The following ESRRB variants were observed in gnomAD, a reference collection of about 807,000 sequenced individuals.
The protein encoded by ESRRB is estrogen related receptor beta, also known as steroid hormone receptor ERR2.
Under a neutral mutation model 46.0 loss-of-function variants are expected in ESRRB, and 16 were observed. The observed-to-expected ratio is 0.35, with a 90% CI of 0.24 to 0.53. ESRRB has a LOEUF of 0.53. Ranked by LOEUF, ESRRB falls within the 20% of genes least tolerant of loss-of-function variation. The pLI is 0.93. For missense variants in ESRRB, 488 were observed against 607.4 expected (o/e 0.80, Z 2.07); for synonymous variants, 246 against 259.6 (o/e 0.95, Z 0.50).
chr14:76,310,896 C>T (rs1883721497), exon 1 of ESRRB: 2 of 454,890 alleles, frequency 4.4e-6, no homozygotes, highest in East Asian at 7.0e-5. Flanking sequence ...AGTCCTCGTC[C>T]TCCACGCCAG....
Position 76,416,659 on chromosome 14 carries a change from G to T in ESRRB, c.51-22682G>T, listed in dbSNP as rs201265981. 2.6e-5 allele frequency among the ~76,000 whole-genome samples: 4 copies of T among 151,736 alleles called. No individual in the cohort carries two copies. In the East Asian group the frequency reaches 5.9e-4, roughly 22 times the overall value. On this transcript the variant is annotated intron_variant, in intron 1 of 6. Coordinates refer to ENST00000644823, the MANE Select transcript of ESRRB (RefSeq NM_001379180.1). The stretch of plus-strand genomic sequence containing the variant: ...TAATTTTGTATTTTTAGTAGAGATG[G>T]TGTTTCACCATGTTGGCCAGGCTGG...
chr14:76,437,824 A>C (rs757599383), intron 1 of ESRRB, among the ~76,000 whole-genome samples: 1 of 152,064 alleles, frequency 6.6e-6, no homozygotes, highest in Non-Finnish European at 1.5e-5. Context: ...CTCTCCCTTC[A>C]TCCTGGGAGC....
intron 1 of ESRRB, among the ~76,000 whole-genome samples, chr14:76,381,875 C>A (rs1885027292): frequency 6.6e-6 from 1 of 152,132 alleles, no homozygotes; most frequent in African/African-American, 2.4e-5. Flanking sequence ...CAAAAGGACA[C>A]AAAAACACCA....
intron 1 of ESRRB, among the ~76,000 whole-genome samples, chr14:76,437,680 C>T (rs1274189286): frequency 6.6e-6 from 1 of 152,170 alleles, no homozygotes; most frequent in Non-Finnish European, 1.5e-5. Context: ...GACAGATCAA[C>T]ACCACCCAGG....
At chr14:76,475,776 T>C (rs1320496233) in intron 3 of ESRRB, among the ~76,000 whole-genome samples, 2 of 152,264 alleles carry the variant, frequency 1.3e-5, no homozygotes, top group East Asian at 3.8e-4. Context: ...GGTAATTCTG[T>C]CTAGCTTTTT....
At chr14:76,375,910 G>T (rs961312453), upstream of ESRRB, among the ~76,000 whole-genome samples, 19 of 99,452 alleles carry the variant, frequency 1.9e-4, no homozygotes, top group Admixed American at 3.1e-4. Flanking sequence ...CCCTTTAACT[G>T]CGAGAAGGCA....
chr14:76,478,273 T>A (rs1020457239), intron 3 of ESRRB, among the ~76,000 whole-genome samples: 1 of 152,140 alleles, frequency 6.6e-6, no homozygotes, highest in Non-Finnish European at 1.5e-5. Flanking sequence ...CAGCCTGGCA[T>A]GGGGATGAGG....
At chr14:76,351,986 T>TAAAAAAAAAAAAAAAAAAAA (rs201356393) in intron 1 of ESRRB, among the ~76,000 whole-genome samples, 3 of 91,774 alleles carry the variant, frequency 3.3e-5, no homozygotes, top group African/African-American at 4.8e-5. Context: ...CCCAGTCTCT[T>TAAAAAAAAAAAAAAAAAAAA]AAAAAAAAAA....
intron 1 of ESRRB, among the ~76,000 whole-genome samples, chr14:76,341,895 C>T (rs1236446015): frequency 6.6e-6 from 1 of 152,232 alleles, no homozygotes; most frequent in East Asian, 1.9e-4. Flanking sequence ...CTTCTCCAGG[C>T]TGGCAGCGTA....
intron 1 of ESRRB, among the ~76,000 whole-genome samples, chr14:76,337,154 C>T (rs553037614): frequency 6.6e-6 from 1 of 152,220 alleles, no homozygotes; most frequent in African/African-American, 2.4e-5. Flanking sequence ...GAAGGAGATG[C>T]AGAGAGAGTG....
chr14:76,321,038 G>A (rs1883860617), intron 1 of ESRRB, among the ~76,000 whole-genome samples: 1 of 151,970 alleles, frequency 6.6e-6, no homozygotes, highest in Non-Finnish European at 1.5e-5. Context: ...TCCTTATAAA[G>A]ATTTTTTCTT....
intron 1 of ESRRB, among the ~76,000 whole-genome samples, chr14:76,333,937 T>C (rs1884095078): frequency 6.6e-6 from 1 of 152,042 alleles, no homozygotes; most frequent in Non-Finnish European, 1.5e-5. Flanking sequence ...GCTAGCTGTG[T>C]GACCTCAGAT....
upstream of ESRRB, among the ~76,000 whole-genome samples, chr14:76,372,520 C>G (rs1254331703): frequency 6.6e-6 from 1 of 152,032 alleles, no homozygotes; most frequent in Non-Finnish European, 1.5e-5. Context: ...AGCTCAAACT[C>G]AGGGAGGGAG....
At chr14:76,329,604 ATCACCGAGGTGCCCATGTAGCGCGGGC>A (rs1490152290) in intron 1 of ESRRB, among the ~76,000 whole-genome samples, 1 of 152,136 alleles carries the variant, frequency 6.6e-6, no homozygotes, top group Non-Finnish European at 1.5e-5. Flanking sequence ...GCTGTATTAA[ATCACCGAGGTGCCCATGTAGCGCGGGC>A]TCTCTTTTCT....
chr14:76,310,990 C>CTT (rs1883725351), intron 1 of ESRRB: 2 of 330,448 alleles, frequency 6.1e-6, no homozygotes, highest in Admixed American at 5.9e-5. Flanking sequence ...CTCTCTCTCT[C>CTT]TCTCTCTCTC....
chr14:76,501,047 A>G lies in ESRRB; in HGVS notation c.*2589A>G. The G allele has an allele frequency of 2.3e-6, 1 of 434,142 alleles. No individual in the cohort carries two copies. Among genetic ancestry groups the G allele is most frequent in the Non-Finnish European group, 4.2e-6 (1 of 236,728 alleles). 26.9% of individuals were successfully genotyped at this position (434,142 alleles called of 1,614,324 possible). A position where few individuals can be genotyped will look rare whatever the true frequency, so the allele number is the denominator to read the frequency against. On this transcript the variant is annotated 3_prime_UTR_variant, in exon 7 of 7. Coordinates refer to ENST00000644823, the MANE Select transcript of ESRRB (RefSeq NM_001379180.1). ...GGACCCTCTCCGGGGAAGGGAGAGG[A>G]CTGACTTAGTGGAAGGTGGTGAAGT... is the stretch of plus-strand genomic sequence containing the variant.
chr14:76,376,278 C>A lies in ESRRB; in HGVS notation c.-124C>A. 1 of 697,678 alleles carries A rather than the reference C, an allele frequency of 1.4e-6. No homozygotes were observed. Among genetic ancestry groups the A allele is most frequent in the Non-Finnish European group, 2.0e-6 (1 of 500,256 alleles). The allele number at this position is 697,678 out of a possible 1,614,324, so 43.2% of individuals were successfully genotyped here. On this transcript the variant is annotated 5_prime_UTR_variant, in exon 1 of 7. Coordinates refer to ENST00000644823, the MANE Select transcript of ESRRB (RefSeq NM_001379180.1). This position sits in a 1 kb window ranked among gnomAD's most constrained non-coding sequence, Gnocchi z 4.1. Reference sequence around the variant, plus strand: ...CCCCCGCCGCGGCCGCCTCCTCCCACTCTGCGTTCTCGCGCTCACTGTGCC... The same window carrying A: ...CCCCCGCCGCGGCCGCCTCCTCCCAATCTGCGTTCTCGCGCTCACTGTGCC...
intron 6 of ESRRB, among the ~76,000 whole-genome samples, chr14:76,497,392 C>A (rs1595177303): frequency 6.6e-6 from 1 of 152,292 alleles, no homozygotes; most frequent in African/African-American, 2.4e-5. Flanking sequence ...CTCACCACCA[C>A]CCTGTGAGTC....
chr14:76,433,415 CCA>C (rs1217461320), intron 1 of ESRRB, among the ~76,000 whole-genome samples: 1 of 152,120 alleles, frequency 6.6e-6, no homozygotes, highest in African/African-American at 2.4e-5. Context: ...TTGCTCAGGG[CCA>C]ACTGGGAGGT....
Sources: allele counts gnomAD v4.1 joint callset (sites outside exome capture counted in the v4.1 genomes callset), GRCh38; gene constraint gnomAD v4.1.1; non-coding constraint Gnocchi (gnomAD v3.1); transcripts MANE v1.5; gene names NCBI Gene and HGNC (gene_info 2026-07-23, HGNC 2026-07-21).